Variants in FUT8 observed in about 807,000 individuals in gnomAD.
The protein encoded by FUT8 is alpha-(1,6)-fucosyltransferase.
In FUT8, 29 loss-of-function variants were observed where a neutral mutation model predicts 71.3. The ratio of observed to expected loss-of-function variants is 0.41; its 90% CI spans 0.30 to 0.55. The LOEUF (loss-of-function observed/expected upper bound fraction) is 0.55, where lower values mean the gene tolerates loss of function less well. Ranked by LOEUF, FUT8 falls within the 20% of genes least tolerant of loss-of-function variation. The probability of loss-of-function intolerance (pLI) is 0.34; values close to 1 mark genes in which losing one functional copy is unlikely to be tolerated. For missense variants in FUT8, 544 were observed against 702.1 expected (o/e 0.77, Z 2.55); for synonymous variants, 254 against 239.3 (o/e 1.06, Z -0.57).
At chr14:65,698,288 G>T (rs1010382148) in intron 7 of FUT8, among the ~76,000 whole-genome samples, 2 of 152,098 alleles carry the variant, frequency 1.3e-5, no homozygotes, top group African/African-American at 4.8e-5. Context: ...AATGCTCAAA[G>T]ATCATTCTTT....
intron 8 of FUT8, 49 bp downstream of exon 8, chr14:65,722,070 T>G: frequency 6.3e-7 from 1 of 1,588,400 alleles, no homozygotes; most frequent in Non-Finnish European, 8.6e-7. Context: ...GTAGTTAGGG[T>G]TATGTATCTT....
At chr14:65,464,273 T>C (rs1014457835) in intron 2 of FUT8, among the ~76,000 whole-genome samples, 5 of 150,930 alleles carry the variant, frequency 3.3e-5, no homozygotes, top group African/African-American at 1.2e-4. Context: ...TTTTTTTTTT[T>C]TTTTTTACAT....
At chr14:65,361,791 A>AAAAC in the FUT8 span, among the ~76,000 whole-genome samples, 1,408 of 150,640 alleles carry the variant, frequency 9.3e-3, 27 homozygotes, top group African/African-American at 0.033. Flanking sequence ...TGTCTCAAAG[A>AAAAC]AAACAAACAA....
At chr14:65,699,028 C>G (rs1436384034) in intron 7 of FUT8, among the ~76,000 whole-genome samples, 5 of 152,010 alleles carry the variant, frequency 3.3e-5, no homozygotes, top group Non-Finnish European at 7.4e-5. Flanking sequence ...GAGTACATAT[C>G]AAATGTCGGG....
chr14:65,506,392 C>T (rs544054285), intron 2 of FUT8, among the ~76,000 whole-genome samples: 6 of 152,296 alleles, frequency 3.9e-5, no homozygotes, highest in African/African-American at 1.4e-4. Flanking sequence ...TCTAAGTAAA[C>T]TAATTTTGAT....
At chr14:65,725,385 T>C (rs762956136) in intron 9 of FUT8, among the ~76,000 whole-genome samples, 4 of 152,238 alleles carry the variant, frequency 2.6e-5, no homozygotes, top group Non-Finnish European at 4.4e-5. Context: ...TGGGGTATTA[T>C]GAAAACACAT....
At chr14:65,448,704 G>A (rs1441611231) in intron 1 of FUT8, among the ~76,000 whole-genome samples, 1 of 152,108 alleles carries the variant, frequency 6.6e-6, no homozygotes, top group East Asian at 1.9e-4. Context: ...ACAATGTATA[G>A]GAAGTTGAAA....
the FUT8 span, among the ~76,000 whole-genome samples, chr14:65,404,393 C>T: frequency 2.6e-5 from 4 of 151,052 alleles, no homozygotes; most frequent in South Asian, 6.3e-4. Context: ...AGGCTGGTCT[C>T]GAACTCCTGA....
At chr14:65,402,263 C>T in the FUT8 span, among the ~76,000 whole-genome samples, 2 of 131,232 alleles carry the variant, frequency 1.5e-5, no homozygotes, top group Non-Finnish European at 3.1e-5. Context: ...GAATGCTGTG[C>T]ATGAACACAG....
chr14:65,542,868 C>T (rs1228512907), intron 2 of FUT8, among the ~76,000 whole-genome samples: 4 of 152,060 alleles, frequency 2.6e-5, no homozygotes, highest in African/African-American at 4.8e-5. Flanking sequence ...CTGCAACCTC[C>T]GCTTCCTGGG....
At chr14:65,717,221 G>GAT (rs1895142561) in intron 7 of FUT8, among the ~76,000 whole-genome samples, 4 of 107,482 alleles carry the variant, frequency 3.7e-5, no homozygotes, top group Admixed American at 9.1e-5. Flanking sequence ...CCTCCCAGAC[G>GAT]GGGCGGCCGG....
chr14:65,707,813 TG>T (rs1173970363), intron 7 of FUT8, among the ~76,000 whole-genome samples: 1 of 152,196 alleles, frequency 6.6e-6, no homozygotes, highest in Non-Finnish European at 1.5e-5. Flanking sequence ...CTTTCAGTTC[TG>T]TTCCATTGGT....
rs1890688907 is a variant in FUT8, at chr14:65,638,686, C to A, written c.597+9080C>A. ...CACTCCAACACAGGATTTGCCTGAT[C>A]TCATTTTTCTTTGACAGGACTAATT... On this transcript the variant is annotated intron_variant, in intron 6 of 10. Transcript: ENST00000673929. This position sits in a 1 kb window ranked among gnomAD's most constrained non-coding sequence, Gnocchi z 4.5. Among the ~76,000 whole-genome samples, 1 of 152,130 alleles carries A rather than the reference C, an allele frequency of 6.6e-6. No individual in the cohort carries two copies. Among genetic ancestry groups the A allele is most frequent in the African/African-American group, 2.4e-5 (1 of 41,414 alleles).
intron 2 of FUT8, among the ~76,000 whole-genome samples, chr14:65,547,053 A>G (rs1885022918): frequency 6.6e-6 from 1 of 151,644 alleles, no homozygotes; most frequent in Admixed American, 6.6e-5. Flanking sequence ...CTTTTGTAGT[A>G]TCTCTAGTAA....
At chr14:65,420,248 TAACA>T (rs1006345561) in intron 1 of FUT8, among the ~76,000 whole-genome samples, 1 of 150,790 alleles carries the variant, frequency 6.6e-6, no homozygotes, top group Non-Finnish European at 1.5e-5. Context: ...TCAGACTAGA[TAACA>T]AAGAAAAGAA....
chr14:65,696,043 C>T (rs940352775), intron 7 of FUT8, among the ~76,000 whole-genome samples: 6 of 152,104 alleles, frequency 3.9e-5, no homozygotes, highest in Admixed American at 2.6e-4. Flanking sequence ...TAATTTCTCT[C>T]TCCCATCCCG....
chr14:65,410,227 GA>G (rs2065108259), upstream of FUT8, among the ~76,000 whole-genome samples: 2 of 152,230 alleles, frequency 1.3e-5, no homozygotes, highest in South Asian at 4.1e-4. Flanking sequence ...TATCCACACT[GA>G]GAAGAGGCAG....
intron 9 of FUT8, among the ~76,000 whole-genome samples, chr14:65,725,185 A>C (rs1895616967): frequency 6.6e-6 from 1 of 152,196 alleles, no homozygotes; most frequent in Non-Finnish European, 1.5e-5. Flanking sequence ...TTGTAAGTTG[A>C]GGAATAAAGA....
chr14:65,401,915 A>G, the FUT8 span, among the ~76,000 whole-genome samples: 1 of 143,496 alleles, frequency 7.0e-6, no homozygotes, highest in African/African-American at 2.6e-5. Flanking sequence ...AAAAAAAAAA[A>G]AAGGGATTGA....
Sources: allele counts gnomAD v4.1 joint callset (sites outside exome capture counted in the v4.1 genomes callset), GRCh38; gene constraint gnomAD v4.1.1; non-coding constraint Gnocchi (gnomAD v3.1); transcripts MANE v1.5; gene names NCBI Gene and HGNC (gene_info 2026-07-23, HGNC 2026-07-21).